The following LCLAT1 variants were observed in gnomAD, a reference collection of about 807,000 sequenced individuals.
LCLAT1 encodes the protein lysocardiolipin acyltransferase 1.
A neutral mutation model predicts 30.7 loss-of-function variants in LCLAT1; 11 were observed. The observed-to-expected ratio is 0.36, with a 90% confidence interval of 0.23 to 0.59. The LOEUF (loss-of-function observed/expected upper bound fraction) is 0.59, where lower values mean the gene tolerates loss of function less well. LCLAT1 is among the 20% of genes least tolerant of loss of function. The pLI is 0.77. For missense variants in LCLAT1, 402 were observed against 458.6 expected (o/e 0.88, Z 1.13); for synonymous variants, 155 against 151.3 (o/e 1.02, Z -0.18).
chr2:30,534,212 T>G (rs1686119480), intron 3 of LCLAT1, among the ~76,000 whole-genome samples: 1 of 148,082 alleles, frequency 6.8e-6, no homozygotes, highest in Non-Finnish European at 1.5e-5. Context: ...TGTTTGTAGT[T>G]GATTTACTGT....
chr2:30,514,876 G>A (rs898280744), intron 1 of LCLAT1, among the ~76,000 whole-genome samples: 4 of 152,078 alleles, frequency 2.6e-5, no homozygotes, highest in East Asian at 1.9e-4. Flanking sequence ...CTTTTGAAAC[G>A]TTTATATACA....
rs1465452284 is a variant in LCLAT1 at position 30,525,605 on chromosome 2, A to G, written c.15A>G (p.Lys5=). MVSW[K]GIYFILTLFW... Reference sequence around the variant, plus strand: ...CTTTCAGAATCATGGTGTCATGGAAAGGGATTTACTTTATACTGACTCTGT... The same window carrying G: ...CTTTCAGAATCATGGTGTCATGGAAGGGGATTTACTTTATACTGACTCTGT... Residue 5 remains lysine, a synonymous_variant, in exon 2 of 6, where the codon AAA becomes AAG. Transcript: ENST00000379509. The G allele has an allele frequency of 1.9e-6, 3 of 1,613,566 alleles. No individual in the cohort carries two copies. The South Asian group carries it at 3.3e-5, about 18-fold the overall frequency.
intron 1 of LCLAT1, among the ~76,000 whole-genome samples, chr2:30,502,201 C>T (rs1417753796): frequency 6.6e-6 from 1 of 152,020 alleles, no homozygotes; most frequent in Non-Finnish European, 1.5e-5. Context: ...TTTTGGTCCC[C>T]TTTTGTTCTC....
chr2:30,511,969 G>GT (rs1439468323), intron 1 of LCLAT1, among the ~76,000 whole-genome samples: 2 of 152,200 alleles, frequency 1.3e-5, no homozygotes, highest in Non-Finnish European at 2.9e-5. Flanking sequence ...CTGTGGGTTT[G>GT]TTTTCAACTT....
intron 4 of LCLAT1, among the ~76,000 whole-genome samples, chr2:30,564,280 C>T (rs9309681): frequency 0.13 from 19,874 of 151,750 alleles, 1,461 homozygotes; most frequent in South Asian, 0.24. Context: ...TTTGTGAATG[C>T]GAAAATGTAC....
At chr2:30,508,820 T>G (rs1420102982) in intron 1 of LCLAT1, among the ~76,000 whole-genome samples, 1 of 152,210 alleles carries the variant, frequency 6.6e-6, no homozygotes, top group African/African-American at 2.4e-5. Flanking sequence ...ATTGGTTGTT[T>G]AATAGGAATA....
At chr2:30,635,190 A>T (rs1414655933) in intron 5 of LCLAT1, among the ~76,000 whole-genome samples, 1 of 151,976 alleles carries the variant, frequency 6.6e-6, no homozygotes, top group Non-Finnish European at 1.5e-5. Context: ...ACTTGAGTTC[A>T]AGACCAGTCT....
At chr2:30,608,931 A>G (rs1215623691) in intron 5 of LCLAT1, among the ~76,000 whole-genome samples, 1 of 152,098 alleles carries the variant, frequency 6.6e-6, no homozygotes, top group Non-Finnish European at 1.5e-5. Flanking sequence ...CCCACTGGCA[A>G]TGCACAAGGG....
chr2:30,552,891 G>GC (rs1299644653), intron 3 of LCLAT1, among the ~76,000 whole-genome samples: 2 of 152,108 alleles, frequency 1.3e-5, no homozygotes, highest in African/African-American at 4.8e-5. Context: ...TTTAATAGAG[G>GC]CCTATGGGTA....
intron 1 of LCLAT1, among the ~76,000 whole-genome samples, chr2:30,461,487 C>G (rs568717723): frequency 1.4e-4 from 21 of 152,186 alleles, no homozygotes; most frequent in African/African-American, 5.1e-4. Context: ...TCTTGAACTC[C>G]TAGGCTGAAG....
chr2:30,575,295 C>T (rs919143753), intron 5 of LCLAT1, among the ~76,000 whole-genome samples: 5 of 151,804 alleles, frequency 3.3e-5, no homozygotes, highest in African/African-American at 7.3e-5. Flanking sequence ...GACTTGAGCT[C>T]CTTTAGGATA....
chr2:30,525,232 G>A (rs1685652275), intron 1 of LCLAT1, among the ~76,000 whole-genome samples: 1 of 151,940 alleles, frequency 6.6e-6, no homozygotes, highest in Non-Finnish European at 1.5e-5. Context: ...GCACACTACC[G>A]CAGCTGGCTA....
chr2:30,599,639 T>TGAGTGCATATATAGGATAGTTAG (rs1378522492), intron 5 of LCLAT1, among the ~76,000 whole-genome samples: 16 of 152,128 alleles, frequency 1.1e-4, no homozygotes, highest in South Asian at 2.1e-4. Context: ...GCTCCTGTAT[T>TGAGTGCATATATAGGATAGTTAG]GAGTGCATAT....
intron 5 of LCLAT1, among the ~76,000 whole-genome samples, chr2:30,635,245 A>AATAT (rs34490305): frequency 3.7e-4 from 55 of 148,274 alleles, no homozygotes; most frequent in Admixed American, 1.7e-3. Context: ...TATATACACA[A>AATAT]ATATATATAT....
intron 1 of LCLAT1, among the ~76,000 whole-genome samples, chr2:30,453,771 A>G (rs1681682719): frequency 6.6e-6 from 1 of 152,230 alleles, no homozygotes; most frequent in African/African-American, 2.4e-5. Flanking sequence ...ACTATTATGA[A>G]GACCGTAGGT....
At chr2:30,486,163 A>T (rs374317413) in intron 1 of LCLAT1, among the ~76,000 whole-genome samples, 1 of 152,318 alleles carries the variant, frequency 6.6e-6, no homozygotes, top group East Asian at 1.9e-4. Context: ...CTCATTGCCT[A>T]TGGGATAAAG....
chr2:30,557,283 C>T (rs1161994655), intron 3 of LCLAT1, among the ~76,000 whole-genome samples: 1 of 138,648 alleles, frequency 7.2e-6, no homozygotes, highest in Non-Finnish European at 1.6e-5. Context: ...AAGGTATGAT[C>T]GTGTGTGTGT....
chr2:30,523,025 T>C (rs557336576), intron 1 of LCLAT1, among the ~76,000 whole-genome samples: 3 of 152,250 alleles, frequency 2.0e-5, no homozygotes, highest in East Asian at 1.9e-4. Context: ...GGAAGAAGCA[T>C]GCCAGAGCCT....
At chr2:30,619,803 C>CA (rs780886712) in intron 5 of LCLAT1, among the ~76,000 whole-genome samples, 42 of 152,236 alleles carry the variant, frequency 2.8e-4, no homozygotes, top group Middle Eastern at 3.4e-3. Context: ...TTTTTCCCCC[C>CA]AATCCTTAGT....
Sources: gnomAD v4.1 joint callset for allele counts (sites outside exome capture counted in the v4.1 genomes callset) on GRCh38, gnomAD v4.1.1 for gene constraint, MANE v1.5 for transcripts, NCBI Gene and HGNC (gene_info 2026-07-23, HGNC 2026-07-21) for gene names.